CDK17: variants seen among roughly 807,000 people sequenced by gnomAD.
CDK17 encodes cyclin dependent kinase 17, also known as cyclin-dependent kinase 17.
In CDK17, 24 loss-of-function variants were observed where a neutral mutation model predicts 77.6. The ratio of observed to expected loss-of-function variants is 0.31; its 90% CI spans 0.22 to 0.44. The LOEUF (loss-of-function observed/expected upper bound fraction) is 0.44. Ranked by LOEUF, CDK17 falls within the 20% of genes least tolerant of loss-of-function variation. The pLI is 1.00. For missense variants in CDK17, 429 were observed against 622.5 expected (o/e 0.69, Z 3.31); for synonymous variants, 203 against 210.4 (o/e 0.96, Z 0.30).
At chr12:96,325,251 C>CAT (rs936907097) in intron 2 of CDK17, among the ~76,000 whole-genome samples, 2 of 152,184 alleles carry the variant, frequency 1.3e-5, no homozygotes, top group Non-Finnish European at 2.9e-5. Flanking sequence ...GCCAACTATT[C>CAT]TTCTGTAGCT....
At chr12:96,336,113 TCA>T (rs1181896985) in intron 1 of CDK17, among the ~76,000 whole-genome samples, 4 of 152,058 alleles carry the variant, frequency 2.6e-5, no homozygotes, top group African/African-American at 9.7e-5. Context: ...GGGGGAGGTA[TCA>T]CAAATAAACA....
chr12:96,299,363 T>C (rs971057938), intron 6 of CDK17, among the ~76,000 whole-genome samples: 32 of 151,586 alleles, frequency 2.1e-4, no homozygotes, highest in African/African-American at 7.5e-4. Flanking sequence ...AATGAAAACA[T>C]AATGTACATA....
At chr12:96,365,262 C>T (rs1209077970) in intron 1 of CDK17, among the ~76,000 whole-genome samples, 2 of 152,110 alleles carry the variant, frequency 1.3e-5, no homozygotes, top group African/African-American at 4.8e-5. Flanking sequence ...TGAATAACAT[C>T]ACTATATACC....
chr12:96,356,867 G>C (rs1257967047), intron 1 of CDK17, among the ~76,000 whole-genome samples: 1 of 152,000 alleles, frequency 6.6e-6, no homozygotes, highest in East Asian at 1.9e-4. Flanking sequence ...ATTGTCTGCT[G>C]GGCAATAAAT....
chr12:96,395,022 T>C (rs907679288), intron 1 of CDK17, among the ~76,000 whole-genome samples: 2 of 151,874 alleles, frequency 1.3e-5, no homozygotes, highest in African/African-American at 4.8e-5. Context: ...ATTACAGGCA[T>C]GCACCACCGT....
chr12:96,336,950 T>A (rs1953049493), intron 1 of CDK17, among the ~76,000 whole-genome samples: 1 of 152,234 alleles, frequency 6.6e-6, no homozygotes, highest in Admixed American at 6.5e-5. Flanking sequence ...CTTCTCTTGA[T>A]CTTTTTGTAT....
intron 1 of CDK17, among the ~76,000 whole-genome samples, chr12:96,389,675 T>TA (rs1190206363): frequency 6.6e-6 from 1 of 152,188 alleles, no homozygotes; most frequent in Non-Finnish European, 1.5e-5. Context: ...CTGAGGAATT[T>TA]AAAAAGGCAC....
chr12:96,393,289 C>T (rs779012366), intron 1 of CDK17, among the ~76,000 whole-genome samples: 3 of 122,914 alleles, frequency 2.4e-5, no homozygotes, highest in Non-Finnish European at 4.7e-5. Flanking sequence ...CGCTTGAACC[C>T]GGGAGGTGGA....
At chr12:96,353,634 G>T (rs1476552214) in intron 1 of CDK17, among the ~76,000 whole-genome samples, 1 of 150,044 alleles carries the variant, frequency 6.7e-6, no homozygotes, top group African/African-American at 2.4e-5. Context: ...AAATATTTTA[G>T]TATTATGAAA....
chr12:96,361,764 A>T (rs780631545), intron 1 of CDK17, among the ~76,000 whole-genome samples: 153 of 152,252 alleles, frequency 1.0e-3, no homozygotes, highest in Non-Finnish European at 1.8e-3. Context: ...GGGGAAAAAA[A>T]TTTTTCCCAC....
At chr12:96,308,153 G>A (rs553916535) in intron 5 of CDK17, among the ~76,000 whole-genome samples, 5 of 150,086 alleles carry the variant, frequency 3.3e-5, no homozygotes, top group East Asian at 3.9e-4. Context: ...CTAGCACTTC[G>A]GGAAACCAAT....
chr12:96,280,512 G>C, intron 16 of CDK17: 1 of 1,408,834 alleles, frequency 7.1e-7, no homozygotes, highest in South Asian at 1.7e-5. Context: ...TTCTGCCTCA[G>C]GTACCAGGGA....
chr12:96,379,941 G>C (rs1247787213), intron 1 of CDK17, among the ~76,000 whole-genome samples: 1 of 151,968 alleles, frequency 6.6e-6, no homozygotes, highest in Admixed American at 6.5e-5. Flanking sequence ...GGCCAAGGCA[G>C]GAGGATCGCT....
chr12:96,315,754 T>C (rs1015806134), intron 3 of CDK17, among the ~76,000 whole-genome samples: 16 of 152,174 alleles, frequency 1.1e-4, no homozygotes, highest in Admixed American at 3.3e-4. Flanking sequence ...TATACATAAA[T>C]TGACTCTATC....
At chr12:96,394,581 G>A (rs6538709) in intron 1 of CDK17, among the ~76,000 whole-genome samples, 65,621 of 151,726 alleles carry the variant, frequency 0.43, 15,317 homozygotes, top group African/African-American at 0.6. Context: ...TTGGGAGACC[G>A]AGGTGCACAG....
At chr12:96,292,582 G>A (rs543585260) in intron 10 of CDK17, among the ~76,000 whole-genome samples, 1 of 152,062 alleles carries the variant, frequency 6.6e-6, no homozygotes, top group Non-Finnish European at 1.5e-5. Flanking sequence ...TTCAGCCAGG[G>A]TGACAGAGCA....
chr12:96,384,713 C>T (rs1265237725), intron 1 of CDK17, among the ~76,000 whole-genome samples: 1 of 152,148 alleles, frequency 6.6e-6, no homozygotes, highest in Non-Finnish European at 1.5e-5. Flanking sequence ...ACATTGAGCA[C>T]ACATGGACGT....
intron 6 of CDK17, 90 bp from the exon 7 acceptor site, chr12:96,299,073 T>C (rs1952457562): frequency 1.6e-6 from 1 of 627,332 alleles, no homozygotes; most frequent in South Asian, 2.3e-5. Context: ...CCTGAATTTC[T>C]AGTTTCTAAG....
intron 1 of CDK17, among the ~76,000 whole-genome samples, chr12:96,348,533 A>C (rs1468531952): frequency 7.9e-5 from 12 of 151,170 alleles, no homozygotes; most frequent in African/African-American, 2.4e-4. Context: ...CAAAAAAAAA[A>C]AAAAAAAAAC....
Sources: allele counts gnomAD v4.1 joint callset (sites outside exome capture counted in the v4.1 genomes callset), GRCh38; gene constraint gnomAD v4.1.1; transcripts MANE v1.5; gene names NCBI Gene and HGNC (gene_info 2026-07-23, HGNC 2026-07-21).